The following ARHGEF38 variants were observed in gnomAD, a reference collection of about 807,000 sequenced individuals.
The protein encoded by ARHGEF38 is Rho guanine nucleotide exchange factor 38.
ARHGEF38 carries 79 observed loss-of-function variants against 79.9 expected under a neutral mutation model. The ratio of observed to expected loss-of-function variants is 0.99; its 90% confidence interval spans 0.82 to 1.19. ARHGEF38 has a LOEUF of 1.19. ARHGEF38 is among the 50% of genes most tolerant of loss of function. The pLI is 0.00. For missense variants in ARHGEF38, 962 were observed against 907.2 expected, an observed-to-expected ratio of 1.06 and a Z score of -0.78; for synonymous variants, 366 against 328.3, an observed-to-expected ratio of 1.11 and a Z score of -1.24.
chr4:105,552,782 C>A lies in ARHGEF38; in HGVS notation c.17C>A (p.Ala6Asp). 1 of 1,609,886 alleles carries A rather than the reference C, an allele frequency of 6.2e-7. No individual in the cohort carries two copies. The highest frequency in any genetic ancestry group is 1.3e-5 in the African/African-American group (1 of 74,666). Residue 6 changes from alanine (A) to aspartate (D), a missense_variant, in exon 1 of 14, where the codon GCC becomes GAC. Transcript: ENST00000420470. ...TTGCCTAATATGGAGCCCAAAGAAG[C>A]CACTGGGAAAGAAAACATGGTCACC... MEPKE[A>D]TGKENMVTKK...
intron 3 of ARHGEF38, among the ~76,000 whole-genome samples, chr4:105,617,520 G>A (rs894386624): frequency 6.6e-6 from 1 of 152,084 alleles, no homozygotes; most frequent in Admixed American, 6.5e-5. Context: ...TTTCCTGCTG[G>A]TCATTAATCA....
intron 1 of ARHGEF38, among the ~76,000 whole-genome samples, chr4:105,556,624 TC>T (rs1169945936): frequency 5.9e-5 from 9 of 152,108 alleles, no homozygotes; most frequent in Non-Finnish European, 4.4e-5. Flanking sequence ...GTTGTTCCCC[TC>T]CCTTTTCTCT....
intron 1 of ARHGEF38, among the ~76,000 whole-genome samples, chr4:105,572,693 C>T (rs979271281): frequency 2.0e-5 from 3 of 152,136 alleles, no homozygotes; most frequent in Non-Finnish European, 4.4e-5. Flanking sequence ...AAGGTTCATC[C>T]AGGTTATAAC....
intron 2 of ARHGEF38, among the ~76,000 whole-genome samples, chr4:105,598,543 A>C (rs1727682430): frequency 6.6e-6 from 1 of 151,910 alleles, no homozygotes; most frequent in South Asian, 2.1e-4. Flanking sequence ...AAAATGTTAT[A>C]CTCTTGCTGG....
intron 13 of ARHGEF38, among the ~76,000 whole-genome samples, chr4:105,672,824 A>T (rs1730999815): frequency 1.3e-5 from 2 of 151,838 alleles, no homozygotes; most frequent in Non-Finnish European, 1.5e-5. Flanking sequence ...CGGACTAAGG[A>T]CTCCTTTTTC....
At position 105,584,646 on chromosome 4, in the gene ARHGEF38, T is replaced by C. The variant is rs191954027; in HGVS notation, c.197-4602T>C. ...CTCTCTCTCTATCTGTATCTATGTCTATCTATCTATAGCTATAGCTATTTC... is the reference window on the plus strand; with the variant it reads ...CTCTCTCTCTATCTGTATCTATGTCCATCTATCTATAGCTATAGCTATTTC... On this transcript the variant is annotated intron_variant, in intron 1 of 13. Transcript: ENST00000420470. Among the ~76,000 whole-genome samples the C allele has an allele frequency of 2.7e-3, 419 of 152,370 alleles. 2 individuals are homozygous for C. The highest frequency in any genetic ancestry group is 0.014 in the Middle Eastern group (4 of 294).
At chr4:105,643,051 A>G (rs1047280996) in intron 5 of ARHGEF38, among the ~76,000 whole-genome samples, 1 of 151,952 alleles carries the variant, frequency 6.6e-6, no homozygotes, top group Non-Finnish European at 1.5e-5. Flanking sequence ...TGCTTACAAT[A>G]TATAAGAAAA....
intron 1 of ARHGEF38, among the ~76,000 whole-genome samples, chr4:105,585,484 A>G (rs998450770): frequency 1.9e-5 from 2 of 103,548 alleles, no homozygotes; most frequent in East Asian, 1.4e-3. Context: ...TGTGGCTAGA[A>G]TAGTAAAAAT....
At chr4:105,659,849 T>TTGTG (rs59465723) in intron 10 of ARHGEF38, among the ~76,000 whole-genome samples, 8,550 of 133,164 alleles carry the variant, frequency 0.064, 308 homozygotes, top group East Asian at 0.12. Context: ...AAGCCTGGTT[T>TTGTG]TGTGTGTGTG....
At chr4:105,589,559 T>C in intron 2 of ARHGEF38, 124 bp downstream of exon 2, 1 of 834,044 alleles carries the variant, frequency 1.2e-6, no homozygotes, top group South Asian at 2.0e-5. Context: ...AACAGCACTG[T>C]TCTCAGCTCT....
chr4:105,658,227 G>C (rs1578354989), intron 9 of ARHGEF38, among the ~76,000 whole-genome samples: 1 of 152,142 alleles, frequency 6.6e-6, no homozygotes, highest in African/African-American at 2.4e-5. Flanking sequence ...GGGCAATAGA[G>C]TGAGACCGTA....
At chr4:105,668,156 C>T (rs1730822999) in intron 13 of ARHGEF38, among the ~76,000 whole-genome samples, 1 of 151,784 alleles carries the variant, frequency 6.6e-6, no homozygotes, top group Admixed American at 6.6e-5. Flanking sequence ...TGTATAATAC[C>T]ACACACTATA....
rs577568107 is a variant in ARHGEF38, at chr4:105,651,505, G to A, written c.1009-2560G>A. Among the ~76,000 whole-genome samples, 4 of 152,286 alleles carry A rather than the reference G, an allele frequency of 2.6e-5. No individual in the cohort carries two copies. In the South Asian group the frequency reaches 8.3e-4, roughly 32 times the overall value. On this transcript the variant is annotated intron_variant, in intron 7 of 13. Coordinates refer to ENST00000420470, the MANE Select transcript of ARHGEF38 (RefSeq NM_001242729.2). ...CAGGTATAGGTTCTGAATTCAGACT[G>A]CTTGGGGTTGAATCCTGATCCTACT...
chr4:105,579,270 G>A (rs1412279029), intron 1 of ARHGEF38, among the ~76,000 whole-genome samples: 1 of 152,136 alleles, frequency 6.6e-6, no homozygotes, highest in Non-Finnish European at 1.5e-5. Flanking sequence ...ATACTATGAT[G>A]AGTTAGAGTG....
chr4:105,563,850 C>T (rs1197946367), intron 1 of ARHGEF38, among the ~76,000 whole-genome samples: 1 of 152,174 alleles, frequency 6.6e-6, no homozygotes, highest in Non-Finnish European at 1.5e-5. Context: ...TTTTATGCCT[C>T]TCAACAAAAT....
chr4:105,650,745 A>T (rs796074390), intron 7 of ARHGEF38, among the ~76,000 whole-genome samples: 25 of 152,340 alleles, frequency 1.6e-4, no homozygotes, highest in African/African-American at 6.0e-4. Flanking sequence ...GTACATTCTT[A>T]GAACACAAGG....
chr4:105,671,168 G>A (rs1418645154), intron 13 of ARHGEF38, among the ~76,000 whole-genome samples: 5 of 152,194 alleles, frequency 3.3e-5, no homozygotes, highest in South Asian at 2.1e-4. Flanking sequence ...CATAGCATCA[G>A]GAATATAAAT....
At chr4:105,646,216 T>TA (rs1268635088) in intron 6 of ARHGEF38, among the ~76,000 whole-genome samples, 8 of 152,066 alleles carry the variant, frequency 5.3e-5, no homozygotes, top group African/African-American at 1.9e-4. Context: ...ATTAGTAAAT[T>TA]AAAAAGAAAG....
intron 1 of ARHGEF38, among the ~76,000 whole-genome samples, chr4:105,567,054 A>G (rs756186410): frequency 2.6e-4 from 40 of 152,182 alleles, no homozygotes; most frequent in Admixed American, 1.4e-3. Flanking sequence ...TCCTTTTACT[A>G]TCTATCTTCA....
Sources: allele counts gnomAD v4.1 joint callset (sites outside exome capture counted in the v4.1 genomes callset), GRCh38; gene constraint gnomAD v4.1.1; transcripts MANE v1.5; gene names NCBI Gene and HGNC (gene_info 2026-07-23, HGNC 2026-07-21).